Variants in MEG3 observed in about 807,000 individuals in gnomAD.
MEG3 encodes Very putative protein from MEG3 locus.
At position 100,860,205 on chromosome 14, in the gene MEG3, T is replaced by A. The variant is rs117073999; in HGVS notation, n.2961T>A. 1,366 of 182,654 alleles carry A rather than the reference T, an allele frequency of 7.5e-3. 37 individuals are homozygous for A. Among genetic ancestry groups the A allele is most frequent in the East Asian group, 0.068 (382 of 5,630 alleles). 11.3% of individuals were successfully genotyped at this position (182,654 alleles called of 1,614,324 possible). A position where few individuals can be genotyped will look rare whatever the true frequency, so the allele number is the denominator to read the frequency against. On this transcript the variant is annotated non_coding_transcript_exon_variant, in exon 1 of 2. Transcript: ENST00000398460. ...CTGGGGAGACAGTGGCAGAGGGAAG[T>A]GTTTGCTTTTAAATACACTCAGCAG...
chr14:100,845,528 G>A lies in MEG3; in HGVS notation n.3116G>A, dbSNP rs990546390. ...TGGGACCCCAGCCCCTCTCCAGCTC[G>A]AAATCGTAAGTGGCTGGAGTGTAAA... On this transcript the variant is annotated non_coding_transcript_exon_variant, in exon 3 of 4. Transcript: ENST00000398461. The surrounding 1 kb of genome is among the most constrained non-coding windows in gnomAD (Gnocchi z 5.2). 1.8e-5 allele frequency: 8 copies of A among 456,576 alleles called. No individual in the cohort carries two copies. Among genetic ancestry groups the A allele is most frequent in the South Asian group, 3.1e-5 (2 of 64,578 alleles). 28.3% of individuals were successfully genotyped at this position (456,576 alleles called of 1,614,324 possible). A position where few individuals can be genotyped will look rare whatever the true frequency, so the allele number is the denominator to read the frequency against.
rs546365502 is a variant in MEG3, at chr14:100,845,563, T to C, written n.3121+30T>C. 8 of 454,076 alleles carry C rather than the reference T, an allele frequency of 1.8e-5. No individual in the cohort carries two copies. The highest frequency in any genetic ancestry group is 1.2e-4 in the Admixed American group (5 of 42,342). 28.1% of individuals were successfully genotyped at this position (454,076 alleles called of 1,614,324 possible). On this transcript the variant is annotated intron_variant and non_coding_transcript_variant, in intron 3 of 3. Coordinates refer to the MEG3 transcript ENST00000398461. This position sits in a 1 kb window ranked among gnomAD's most constrained non-coding sequence, Gnocchi z 5.2. ...GTGGCTGGAGTGTAAAGAACACACA[T>C]GTGGCCTTGCTGCTGAGGGTGGGGC...
chr14:100,832,963 AG>A (rs2037440466), downstream of MEG3: 1 of 152,302 alleles, frequency 6.6e-6, no homozygotes, highest in South Asian at 2.1e-4. Flanking sequence ...GACTCATCTC[AG>A]GACCCATTGA....
exon 1 of MEG3, chr14:100,834,927 G>A (rs2037517041): frequency 1.2e-5 from 5 of 407,866 alleles, no homozygotes; most frequent in East Asian, 1.4e-4. Flanking sequence ...ATTCACCCGC[G>A]CGGCCATCCC....
At chr14:100,860,983 C>A (rs1021004911) in exon 2 of MEG3, 24 of 284,808 alleles carry the variant, frequency 8.4e-5, no homozygotes, top group Non-Finnish European at 1.6e-4. Context: ...GCTTGGCGCA[C>A]CCCACTGTGC....
At chr14:100,835,943 G>T in intron 1 of MEG3, 3 of 324,320 alleles carry the variant, frequency 9.3e-6, no homozygotes, top group Non-Finnish European at 1.8e-5. Flanking sequence ...GCTCTGCCCC[G>T]CCCGGTCCCT....
chr14:100,848,866 A>G (rs369349232), intron 3 of MEG3: 2 of 152,234 alleles, frequency 1.3e-5, no homozygotes, highest in East Asian at 1.9e-4. Flanking sequence ...TGAAGTAGGC[A>G]TATGAAAGAA....
chr14:100,860,703 C>T (rs959463559), intron 1 of MEG3: 7 of 456,556 alleles, frequency 1.5e-5, no homozygotes, highest in East Asian at 1.4e-4. Context: ...TCCACAGCCA[C>T]GGGGACACCC....
downstream of MEG3, chr14:100,829,675 G>A (rs1488415569): frequency 6.6e-6 from 1 of 152,194 alleles, no homozygotes; most frequent in Non-Finnish European, 1.5e-5. Context: ...CACCCCTCTT[G>A]CTTGTCTTAC....
chr14:100,846,578 A>G (rs2037923360), intron 3 of MEG3: 1 of 152,214 alleles, frequency 6.6e-6, no homozygotes, highest in East Asian at 1.9e-4. Context: ...AGGTTGTTTC[A>G]CTGGTATCTA....
chr14:100,859,347 G>T (rs1300159281), exon 1 of MEG3: 1 of 152,198 alleles, frequency 6.6e-6, no homozygotes, highest in African/African-American at 2.4e-5. Flanking sequence ...TTTCCCCCCA[G>T]TGGAAACACA....
intron 2 of MEG3, among the ~76,000 whole-genome samples, chr14:100,842,513 G>A (rs1367334670): frequency 6.6e-6 from 1 of 152,176 alleles, no homozygotes; most frequent in Non-Finnish European, 1.5e-5. Flanking sequence ...CAGGAAATTA[G>A]CTCTGCAAAG....
exon 1 of MEG3, chr14:100,858,836 G>A (rs1458687936): frequency 6.5e-6 from 1 of 152,828 alleles, no homozygotes; most frequent in Non-Finnish European, 1.5e-5. Context: ...GCTCCCAAGA[G>A]GCTCCACAGT....
exon 1 of MEG3, chr14:100,834,993 C>T (rs1395565097): frequency 1.1e-5 from 4 of 368,786 alleles, no homozygotes; most frequent in African/African-American, 6.3e-5. Context: ...CTGGCCTGGG[C>T]ACCGGCCACC....
chr14:100,849,959 A>G (rs2038020000), intron 3 of MEG3: 1 of 152,276 alleles, frequency 6.6e-6, no homozygotes, highest in Admixed American at 6.5e-5. Context: ...CCTGGCTCCA[A>G]AACAAGGCTG....
chr14:100,847,000 T>TA (rs1491556243), intron 3 of MEG3: 15 of 150,666 alleles, frequency 1.0e-4, no homozygotes, highest in Non-Finnish European at 1.9e-4. Flanking sequence ...AGGTTTTTTT[T>TA]AAAAAACCAA....
intron 2 of MEG3, chr14:100,828,896 C>G (rs138707901): frequency 1.3e-5 from 2 of 152,108 alleles, no homozygotes; most frequent in Non-Finnish European, 2.9e-5. Context: ...CCTTGCACCA[C>G]CCCCAGACCC....
At chr14:100,826,429 G>A (rs2037232859) in intron 1 of MEG3, 1 of 152,264 alleles carries the variant, frequency 6.6e-6, no homozygotes, top group Admixed American at 6.5e-5. Context: ...GGGAAGTCAG[G>A]GCTCCTCTCT....
At chr14:100,857,775 G>A (rs2038285365) in exon 1 of MEG3, 1 of 152,218 alleles carries the variant, frequency 6.6e-6, no homozygotes, top group South Asian at 2.1e-4. Flanking sequence ...TGTCTGCCCG[G>A]AGGGGTTTCT....
Sources: allele counts gnomAD v4.1 joint callset (sites outside exome capture counted in the v4.1 genomes callset), GRCh38; gene constraint gnomAD v4.1.1; non-coding constraint Gnocchi (gnomAD v3.1); transcripts MANE v1.5; gene names NCBI Gene and HGNC (gene_info 2026-07-23, HGNC 2026-07-21).